The following TMEM14B variants were observed in gnomAD, a reference collection of about 807,000 sequenced individuals.
TMEM14B encodes transmembrane protein 14B.
A neutral mutation model predicts 14.8 loss-of-function variants in TMEM14B; 9 were observed. The ratio of observed to expected loss-of-function variants is 0.61; its 90% CI spans 0.37 to 1.06. The LOEUF (loss-of-function observed/expected upper bound fraction) is 1.06. Ranked by LOEUF, TMEM14B falls within the 50% of genes least tolerant of loss-of-function variation. TMEM14B has a pLI of 0.01. For synonymous variants in TMEM14B, 40 were observed against 51.3 expected (o/e 0.78, Z 0.94); for missense variants, 128 against 143.6 (o/e 0.89, Z 0.56).
In TMEM14B at chr6:10,756,885, T is replaced by C; in HGVS notation, c.*367T>C. 1 of 990,282 alleles carries C rather than the reference T, an allele frequency of 1.0e-6. No individual in the cohort carries two copies. Among genetic ancestry groups the C allele is most frequent in the Non-Finnish European group, 1.2e-6 (1 of 833,222 alleles). 61.3% of individuals were successfully genotyped at this position (990,282 alleles called of 1,614,324 possible). A position where few individuals can be genotyped will look rare whatever the true frequency, so the allele number is the denominator to read the frequency against. On this transcript the variant is annotated 3_prime_UTR_variant, in exon 6 of 6. Coordinates refer to ENST00000379542, the MANE Select transcript of TMEM14B (RefSeq NM_030969.5). ...GTGAAAAAAAATCTCTTGAGAGATTTAGAATATCTTTTCTTTTGCTCATCT... is the reference window on the plus strand; with the variant it reads ...GTGAAAAAAAATCTCTTGAGAGATTCAGAATATCTTTTCTTTTGCTCATCT...
In TMEM14B at chr6:10,756,630, T is replaced by TAAA. The variant is rs57806113; in HGVS notation, c.*121_*123dup. ...GCATTTTTGCATCTGACATTTTACC[T>TAAA]AAAAAAAAAAAGACACCAAATTTGG... On this transcript the variant is annotated 3_prime_UTR_variant, in exon 6 of 6. Transcript: ENST00000379542. 30 of 1,132,862 alleles carry TAAA rather than the reference T, an allele frequency of 2.6e-5. No homozygotes were observed. Among genetic ancestry groups the TAAA allele is most frequent in the Middle Eastern group, 3.0e-4 (1 of 3,352 alleles). The allele number at this position is 1,132,862 out of a possible 1,614,324, so 70.2% of individuals were successfully genotyped here.
At chr6:10,750,506 G>A (rs1394796817) in intron 3 of TMEM14B, among the ~76,000 whole-genome samples, 3 of 151,778 alleles carry the variant, frequency 2.0e-5, no homozygotes, top group African/African-American at 7.3e-5. Context: ...AGGATAAATG[G>A]TTACAGGAAA....
At chr6:10,751,523 A>G (rs574042644) in intron 4 of TMEM14B, among the ~76,000 whole-genome samples, 1 of 152,120 alleles carries the variant, frequency 6.6e-6, no homozygotes, top group East Asian at 1.9e-4. Context: ...TTCAGTGTTT[A>G]CCCAGTAGAA....
chr6:10,757,886 G>A (rs1386946466), downstream of TMEM14B, among the ~76,000 whole-genome samples: 1 of 151,924 alleles, frequency 6.6e-6, no homozygotes, highest in Non-Finnish European at 1.5e-5. Context: ...AGCTATTCAG[G>A]AGGCTGAGGC....
chr6:10,748,664 A>G (rs776399231), intron 1 of TMEM14B, among the ~76,000 whole-genome samples: 3 of 152,140 alleles, frequency 2.0e-5, no homozygotes, highest in Non-Finnish European at 4.4e-5. Flanking sequence ...CAAGGGTGCA[A>G]TGTCACATGT....
chr6:10,754,002 G>A (rs1043212997), intron 4 of TMEM14B, among the ~76,000 whole-genome samples: 16 of 152,134 alleles, frequency 1.1e-4, no homozygotes, highest in African/African-American at 3.4e-4. Flanking sequence ...GGCCGGTTGC[G>A]GTGGCTCCTG....
downstream of TMEM14B, among the ~76,000 whole-genome samples, chr6:10,758,462 C>T (rs1190294350): frequency 6.6e-6 from 1 of 152,182 alleles, no homozygotes; most frequent in Non-Finnish European, 1.5e-5. Context: ...TCTTCATAGC[C>T]CTTGCCAAGT....
rs1050807196 is a variant in TMEM14B at position 10,750,948 on chromosome 6, A to G, written c.101-185A>G. On this transcript the variant is annotated intron_variant, in intron 3 of 5. Transcript: ENST00000379542. ...TTAGAGGAGAGAAAAATGGGGTGGG[A>G]AGACCCTGACTTCTCTGAGAAGATA... 2.6e-5 allele frequency among the ~76,000 whole-genome samples: 4 copies of G among 151,936 alleles called. 1 individual carries two copies. The highest frequency in any genetic ancestry group is 1.3e-4 in the Admixed American group (2 of 15,258).
chr6:10,756,501 T>C lies in TMEM14B; in HGVS notation c.328T>C (p.Leu110=). The C allele has an allele frequency of 6.2e-7, 1 of 1,614,006 alleles. No homozygotes were observed. The highest frequency in any genetic ancestry group is 8.5e-7 in the Non-Finnish European group (1 of 1,179,948). Residue 110 remains leucine (L), a synonymous_variant, in exon 6 of 6, where the codon TTG becomes CTG. Transcript: ENST00000379542. ...GGCCGCCAAAGTTGGAGTTCGTATG[T>C]TGATGACATCTGATTAGCAGAAGTC... ...LMAAKVGVRM[L]MTSD is the part of the protein sequence containing the mutation.
downstream of TMEM14B, chr6:10,759,230 T>C (rs1771904192): frequency 6.6e-6 from 1 of 152,534 alleles, no homozygotes; most frequent in African/African-American, 2.4e-5. Flanking sequence ...TCTAATTCTT[T>C]TTAATGGCTT....
chr6:10,752,087 G>C (rs1771599637), intron 4 of TMEM14B, among the ~76,000 whole-genome samples: 1 of 152,024 alleles, frequency 6.6e-6, no homozygotes, highest in South Asian at 2.1e-4. Context: ...GCTGGGGAAG[G>C]AGGTGTGTCC....
At position 10,755,235 on chromosome 6, in the gene TMEM14B, A is replaced by G. The variant is rs748913652; in HGVS notation, c.293+3A>G. 64 of 1,614,050 alleles carry G rather than the reference A, an allele frequency of 4.0e-5. No homozygotes were observed. Among genetic ancestry groups the G allele is most frequent in the Admixed American group, 3.3e-4 (20 of 60,000 alleles). ...GTAGGTTTAATTGCAGGTGCCAGGT[A>G]CTTTCATTCTATTACTCTTCTTTAC... On this transcript the variant is annotated splice_donor_region_variant and intron_variant, in intron 5 of 5. Coordinates refer to ENST00000379542, the MANE Select transcript of TMEM14B (RefSeq NM_030969.5).
intron 4 of TMEM14B, among the ~76,000 whole-genome samples, chr6:10,751,946 A>T (rs1301713280): frequency 2.6e-5 from 4 of 152,026 alleles, no homozygotes; most frequent in Non-Finnish European, 4.4e-5. Flanking sequence ...AGACACTGCT[A>T]TGAGTGTGGG....
In TMEM14B at chr6:10,751,534, T is replaced by C. The variant is rs12203794; in HGVS notation, c.202+300T>C. ...TATTTTCAGTGTTTACCCAGTAGAA[T>C]TAGTATCAAACTTGTATTACCCATA... On this transcript the variant is annotated intron_variant, in intron 4 of 5. Coordinates refer to ENST00000379542, the MANE Select transcript of TMEM14B (RefSeq NM_030969.5). 2.2e-3 allele frequency among the ~76,000 whole-genome samples: 329 copies of C among 152,142 alleles called. 1 individual carries two copies. The highest frequency in any genetic ancestry group is 3.9e-3 in the Non-Finnish European group (265 of 68,018).
chr6:10,753,715 G>C (rs1021356188), intron 4 of TMEM14B, among the ~76,000 whole-genome samples: 6 of 151,956 alleles, frequency 3.9e-5, no homozygotes, highest in South Asian at 2.1e-4. Flanking sequence ...CCTGTCTTCT[G>C]TTCTCCATCC....
chr6:10,755,668 T>C (rs1771776891), intron 5 of TMEM14B: 1 of 1,087,222 alleles, frequency 9.2e-7, no homozygotes, highest in East Asian at 6.2e-5. Context: ...AAAAATGTAG[T>C]TGTAGGCCAG....
intron 4 of TMEM14B, among the ~76,000 whole-genome samples, chr6:10,753,106 G>A (rs1289521778): frequency 6.6e-6 from 1 of 151,982 alleles, no homozygotes; most frequent in Non-Finnish European, 1.5e-5. Context: ...CTTGGTGGCT[G>A]TCACCTGTAA....
chr6:10,753,744 C>G (rs1771685456), intron 4 of TMEM14B, among the ~76,000 whole-genome samples: 1 of 152,054 alleles, frequency 6.6e-6, no homozygotes, highest in Admixed American at 6.6e-5. Flanking sequence ...CTTGATTGCT[C>G]TCTTTCCTTT....
intron 4 of TMEM14B, among the ~76,000 whole-genome samples, chr6:10,752,048 A>C (rs1771598049): frequency 6.6e-6 from 1 of 151,980 alleles, no homozygotes; most frequent in African/African-American, 2.4e-5. Flanking sequence ...GGGGTGGGGA[A>C]GGGAGGTCCG....
Sources: allele counts gnomAD v4.1 joint callset (sites outside exome capture counted in the v4.1 genomes callset), GRCh38; gene constraint gnomAD v4.1.1; transcripts MANE v1.5; gene names NCBI Gene and HGNC (gene_info 2026-07-23, HGNC 2026-07-21).